Variants in DLG2 observed in about 807,000 individuals in gnomAD.
DLG2 encodes the protein disks large homolog 2.
DLG2 carries 45 observed loss-of-function variants against 132.5 expected under a neutral mutation model. That is an observed-to-expected ratio of 0.34 (90% CI 0.27 to 0.44). DLG2 has a LOEUF of 0.44. DLG2 is among the 20% of genes least tolerant of loss of function. DLG2 has a pLI of 1.00. For synonymous variants in DLG2, 424 were observed against 419.6 expected (o/e 1.01, Z -0.13); for missense variants, 1,045 against 1,196.9 (o/e 0.87, Z 1.87).
intron 3 of DLG2, among the ~76,000 whole-genome samples, chr11:85,365,448 T>C (rs1164311454): frequency 6.6e-6 from 1 of 152,188 alleles, no homozygotes; most frequent in African/African-American, 2.4e-5. Flanking sequence ...GGAATCTGTG[T>C]TAACCTTTAA....
At chr11:83,908,941 C>T (rs537452390) in intron 15 of DLG2, among the ~76,000 whole-genome samples, 1 of 152,206 alleles carries the variant, frequency 6.6e-6, no homozygotes, top group East Asian at 1.9e-4. Context: ...TGCTATGTGC[C>T]CAGGCTATTC....
intron 18 of DLG2, among the ~76,000 whole-genome samples, chr11:83,654,415 T>C (rs1318614570): frequency 2.0e-5 from 3 of 152,174 alleles, no homozygotes; most frequent in Admixed American, 1.3e-4. Flanking sequence ...TTCCCATTCA[T>C]AGTCCTTTTA....
rs185086041 is a variant in DLG2, at chr11:84,239,207, C to G, written c.573+12031G>C. 3.9e-3 allele frequency among the ~76,000 whole-genome samples: 591 copies of G among 152,034 alleles called. 5 individuals carry two copies. The highest frequency in any genetic ancestry group is 0.013 in the African/African-American group (556 of 41,476). On this transcript the variant is annotated intron_variant, in intron 8 of 27. Transcript: ENST00000376104. ...TTTTTATTATTATTATTATTTGAGACCAAGTCTCTGTCAACCAGGCTGCAG... is the reference window on the plus strand; with the variant it reads ...TTTTTATTATTATTATTATTTGAGAGCAAGTCTCTGTCAACCAGGCTGCAG...
chr11:84,370,668 G>A (rs950158441), intron 7 of DLG2, among the ~76,000 whole-genome samples: 1 of 152,104 alleles, frequency 6.6e-6, no homozygotes, highest in African/African-American at 2.4e-5. Flanking sequence ...ACATATGTGT[G>A]TATTCTCTCC....
At position 83,786,777 on chromosome 11, in the gene DLG2, G is replaced by A; in HGVS notation, c.1738C>T (p.Leu580Phe). ...GCCTGCTCGTGGGATGCACCACGGA[G>A]GTCAATGCCATTCACCTGAAAGAGA... ...DQILSVNGIDLRGASHEQAAA... is the reference protein window; with the variant it reads ...DQILSVNGIDFRGASHEQAAA... Residue 580 changes from leucine to phenylalanine, a missense_variant, in exon 18 of 28, where the codon CTC (leucine) becomes TTC (phenylalanine). Around this residue, in one of 4 missense-constraint regions of DLG2, gnomAD observed 398 missense variants for 543.6 expected, o/e 0.73. Transcript: ENST00000376104. The A allele has an allele frequency of 1.2e-6, 2 of 1,613,974 alleles. No individual in the cohort carries two copies. Among genetic ancestry groups the A allele is most frequent in the Non-Finnish European group, 1.7e-6 (2 of 1,179,940 alleles).
chr11:85,050,886 G>T lies in DLG2; in HGVS notation c.357+60775C>A, dbSNP rs1470788823. 3.3e-5 allele frequency among the ~76,000 whole-genome samples: 5 copies of T among 152,014 alleles called. No individual in the cohort carries two copies. In the East Asian group the frequency reaches 9.7e-4, roughly 29 times the overall value. On this transcript the variant is annotated intron_variant, in intron 6 of 27. Transcript: ENST00000376104. ...TGGGCACTCAGTCTCTGTTTGCTCTGCATTAGCATTATTGTAAGGCTTAAT... is the reference window on the plus strand; with the variant it reads ...TGGGCACTCAGTCTCTGTTTGCTCTTCATTAGCATTATTGTAAGGCTTAAT...
chr11:83,543,494 G>C (rs958948085), intron 19 of DLG2, among the ~76,000 whole-genome samples: 4 of 152,092 alleles, frequency 2.6e-5, no homozygotes, highest in African/African-American at 9.6e-5. Flanking sequence ...TGGACTACTG[G>C]GTCCATGTCC....
At chr11:85,133,766 T>C (rs1342079995) in intron 5 of DLG2, among the ~76,000 whole-genome samples, 1 of 152,172 alleles carries the variant, frequency 6.6e-6, no homozygotes, top group African/African-American at 2.4e-5. Context: ...CAGGCACTTA[T>C]TAAGTGGGCA....
rs540707397 is a variant in DLG2, at chr11:84,569,991, T to C, written c.358-35260A>G. Among the ~76,000 whole-genome samples, 3 of 152,276 alleles carry C rather than the reference T, an allele frequency of 2.0e-5. No individual in the cohort carries two copies. In the East Asian group the frequency reaches 5.8e-4, roughly 29 times the overall value. ...CCTGTGTTGACATTTGTGTTCTCAG[T>C]TATGGGTGAGGTGGGGTGGTGAATA... is the stretch of plus-strand genomic sequence containing the variant. On this transcript the variant is annotated intron_variant, in intron 6 of 27. Coordinates refer to ENST00000376104, the MANE Select transcript of DLG2 (RefSeq NM_001142699.3).
intron 6 of DLG2, among the ~76,000 whole-genome samples, chr11:84,808,747 A>T (rs1389114402): frequency 6.6e-6 from 1 of 151,964 alleles, no homozygotes; most frequent in African/African-American, 2.4e-5. Context: ...TACCACAAGC[A>T]ACCCAATATG....
At chr11:84,024,592 G>C (rs2095488632) in intron 11 of DLG2, among the ~76,000 whole-genome samples, 1 of 152,070 alleles carries the variant, frequency 6.6e-6, no homozygotes, top group Non-Finnish European at 1.5e-5. Context: ...AGGAGAAATT[G>C]TGTCATTCAT....
At chr11:85,432,649 C>T (rs1219315591) in intron 3 of DLG2, among the ~76,000 whole-genome samples, 2 of 151,930 alleles carry the variant, frequency 1.3e-5, no homozygotes, top group Non-Finnish European at 2.9e-5. Flanking sequence ...CAAACCAAAC[C>T]TCCCAGAAAT....
chr11:84,178,976 T>C (rs543156258), intron 8 of DLG2, among the ~76,000 whole-genome samples: 1 of 152,062 alleles, frequency 6.6e-6, no homozygotes, highest in Admixed American at 6.6e-5. Context: ...GAAAGTATGA[T>C]GATCCATACA....
At position 85,411,543 on chromosome 11, in the gene DLG2, C is replaced by A. The variant is rs539956603; in HGVS notation, c.41-126178G>T. 4.2e-4 allele frequency among the ~76,000 whole-genome samples: 64 copies of A among 151,958 alleles called. 1 individual carries two copies. Among genetic ancestry groups the A allele is most frequent in the Non-Finnish European group, 6.9e-4 (47 of 67,888 alleles). ...ATAGCAGTTTTGATACCACTAATTTCTATTGTTTCACATCTGTAAAATATA... is the reference window on the plus strand; with the variant it reads ...ATAGCAGTTTTGATACCACTAATTTATATTGTTTCACATCTGTAAAATATA... On this transcript the variant is annotated intron_variant, in intron 3 of 27. Transcript: ENST00000376104.
At chr11:84,537,395 C>G (rs1444881452) in intron 6 of DLG2, among the ~76,000 whole-genome samples, 2 of 152,082 alleles carry the variant, frequency 1.3e-5, no homozygotes, top group African/African-American at 4.8e-5. Flanking sequence ...CGTGAGCCAC[C>G]GCACCCAGCC....
chr11:84,155,175 T>C lies in DLG2; in HGVS notation c.624+8286A>G, dbSNP rs374068367. 5.2e-4 allele frequency among the ~76,000 whole-genome samples: 79 copies of C among 152,332 alleles called. No homozygotes were observed. In the South Asian group the frequency reaches 0.014, roughly 26 times the overall value. The stretch of plus-strand genomic sequence containing the variant: ...GAGTATAGTTGATTGGCTTCATTTC[T>C]GGATGCTTTTAGAGGGTTGAGGCTC... On this transcript the variant is annotated intron_variant, in intron 9 of 27. Transcript: ENST00000376104.
intron 6 of DLG2, among the ~76,000 whole-genome samples, chr11:84,939,649 C>T (rs1260013195): frequency 1.3e-5 from 2 of 152,098 alleles, no homozygotes; most frequent in Non-Finnish European, 2.9e-5. Flanking sequence ...TTTTTAGCTC[C>T]CACAAATGAG....
chr11:83,858,700 G>A (rs190190223), intron 16 of DLG2, among the ~76,000 whole-genome samples: 82 of 152,272 alleles, frequency 5.4e-4, no homozygotes, highest in Non-Finnish European at 1.0e-3. Context: ...GACACACAAG[G>A]CCAGGTAATG....
At chr11:84,511,849 A>C (rs1026345163) in intron 7 of DLG2, among the ~76,000 whole-genome samples, 1 of 152,104 alleles carries the variant, frequency 6.6e-6, no homozygotes, top group African/African-American at 2.4e-5. Flanking sequence ...AATACAACTA[A>C]AAGGGCCTTA....
Sources: allele counts gnomAD v4.1 joint callset (sites outside exome capture counted in the v4.1 genomes callset), GRCh38; gene constraint gnomAD v4.1.1; regional missense constraint gnomAD v4.1.1; transcripts MANE v1.5; gene names NCBI Gene and HGNC (gene_info 2026-07-23, HGNC 2026-07-21).